The following GSS variants were observed in gnomAD, a reference collection of about 807,000 sequenced individuals.
GSS encodes glutathione synthetase, also known as GSH synthetase.
GSS carries 34 observed loss-of-function variants against 60.4 expected under a neutral mutation model. The observed-to-expected ratio is 0.56, with a 90% CI of 0.43 to 0.75. The LOEUF (loss-of-function observed/expected upper bound fraction) is 0.75, where lower values mean the gene tolerates loss of function less well. Among genes scored for constraint, GSS ranks in the 30% least tolerant of loss-of-function variants. GSS has a pLI of 0.00. For missense variants in GSS, 499 were observed against 595.1 expected (o/e 0.84, Z 1.68); for synonymous variants, 224 against 239.0 (o/e 0.94, Z 0.58).
At chr20:34,934,356 A>C (rs1333782099) in intron 9 of GSS, among the ~76,000 whole-genome samples, 1 of 149,108 alleles carries the variant, frequency 6.7e-6, no homozygotes, top group Non-Finnish European at 1.5e-5. Context: ...AACTTACTGC[A>C]ACCTCTGCCT....
At chr20:34,943,045 G>A (rs2081496820) in intron 3 of GSS, 39 bp from the exon 4 acceptor site, 7 of 1,425,052 alleles carry the variant, frequency 4.9e-6, no homozygotes, top group Non-Finnish European at 6.9e-6. Context: ...AGGCTTAATT[G>A]GACCTAAAAT....
At chr20:34,943,177 G>C (rs1030510365) in intron 3 of GSS, among the ~76,000 whole-genome samples, 171 bp from the exon 4 acceptor site, 1 of 152,210 alleles carries the variant, frequency 6.6e-6, no homozygotes, top group South Asian at 2.1e-4. Context: ...CTAGACCTGG[G>C]TTCAAATCCT....
chr20:34,929,645 T>C (rs962341679), intron 11 of GSS, 55 bp from the exon 12 acceptor site: 4 of 1,505,070 alleles, frequency 2.7e-6, no homozygotes, highest in Admixed American at 1.7e-5. Context: ...CTCCATCCCA[T>C]GCCCTCACTT....
chr20:34,929,291 C>T, intron 12 of GSS, 110 bp downstream of exon 12: 1 of 951,422 alleles, frequency 1.1e-6, no homozygotes, highest in Non-Finnish European at 1.7e-6. Flanking sequence ...GCAGAGCTGG[C>T]ACCGAAGCCC....
chr20:34,931,538 T>A, intron 10 of GSS, 121 bp from the exon 11 acceptor site: 1 of 795,306 alleles, frequency 1.3e-6, no homozygotes. Flanking sequence ...AGCCACAAAT[T>A]CCTTCAGGCA....
At chr20:34,938,677 C>T (rs2081459704) in intron 6 of GSS, among the ~76,000 whole-genome samples, 1 of 152,170 alleles carries the variant, frequency 6.6e-6, no homozygotes, top group South Asian at 2.1e-4. Flanking sequence ...AACTGCACGC[C>T]CCAGCTAATT....
In GSS at chr20:34,928,579, G is replaced by A; in HGVS notation, c.*249C>T. On this transcript the variant is annotated 3_prime_UTR_variant, in exon 13 of 13. Coordinates refer to ENST00000651619, the MANE Select transcript of GSS (RefSeq NM_000178.4). ...ATGAGGGGCTGACAGGAGTGGGGCA[G>A]GGTTCATGGACCTTTACCTCAGAGC... The A allele has an allele frequency of 3.5e-6, 2 of 568,814 alleles. No homozygotes were observed. Among genetic ancestry groups the A allele is most frequent in the Non-Finnish European group, 6.3e-6 (2 of 316,384 alleles). 35.2% of individuals were successfully genotyped at this position (568,814 alleles called of 1,614,324 possible). A position where few individuals can be genotyped will look rare whatever the true frequency, so the allele number is the denominator to read the frequency against.
chr20:34,951,186 G>T lies in GSS; in HGVS notation c.129+538C>A, dbSNP rs2081565749. ...CCTCAGAATGAAGATGACCCTAATA[G>T]AAGGCATTAGAAAGTTCTAAGACAG... On this transcript the variant is annotated intron_variant, in intron 2 of 12. Transcript: ENST00000651619. 2.0e-5 allele frequency among the ~76,000 whole-genome samples: 3 copies of T among 152,132 alleles called. No individual in the cohort carries two copies. The East Asian group carries it at 5.8e-4, about 29-fold the overall frequency.
intron 12 of GSS, 114 bp from the exon 13 acceptor site, chr20:34,929,065 A>T: frequency 1.6e-6 from 2 of 1,272,986 alleles, no homozygotes; most frequent in Non-Finnish European, 2.3e-6. Context: ...AGAAAGTGCT[A>T]GGATTTTAGA....
At chr20:34,951,935 C>T in intron 1 of GSS, 75 bp from the exon 2 acceptor site, 2 of 1,484,100 alleles carry the variant, frequency 1.3e-6, no homozygotes, top group Non-Finnish European at 1.9e-6. Context: ...GGCTGGCGGC[C>T]ACCCCCAACA....
chr20:34,944,311 T>C (rs1436027169), intron 3 of GSS, among the ~76,000 whole-genome samples: 1 of 152,196 alleles, frequency 6.6e-6, no homozygotes, highest in Non-Finnish European at 1.5e-5. Context: ...GTCTCCTTCA[T>C]AATTGCATCA....
At chr20:34,933,714 C>T (rs568387683) in intron 9 of GSS, 2 of 152,304 alleles carry the variant, frequency 1.3e-5, no homozygotes, top group South Asian at 4.1e-4. Flanking sequence ...CAGAATCACA[C>T]GTGACCAGAA....
At chr20:34,947,064 TG>T (rs1259801640) in intron 2 of GSS, among the ~76,000 whole-genome samples, 1 of 152,172 alleles carries the variant, frequency 6.6e-6, no homozygotes, top group African/African-American at 2.4e-5. Context: ...TGTTAGAACT[TG>T]GTATTTAGAT....
At chr20:34,936,179 T>C (rs2081439417) in intron 8 of GSS, among the ~76,000 whole-genome samples, 1 of 152,224 alleles carries the variant, frequency 6.6e-6, no homozygotes, top group Admixed American at 6.5e-5. Context: ...AAAAGTAAAT[T>C]AACTACTTTG....
At chr20:34,943,075 A>C in intron 3 of GSS, 69 bp from the exon 4 acceptor site, 1 of 979,216 alleles carries the variant, frequency 1.0e-6, no homozygotes, top group African/African-American at 1.6e-5. Context: ...TCCCATCCTC[A>C]GTCATTGACT....
chr20:34,955,500 T>A (rs1376692021), intron 1 of GSS: 1 of 152,354 alleles, frequency 6.6e-6, no homozygotes, highest in Non-Finnish European at 1.5e-5. Context: ...CTGGCCTACA[T>A]GCCCCGACAC....
chr20:34,942,444 C>T, intron 5 of GSS, 44 bp downstream of exon 5: 1 of 1,583,038 alleles, frequency 6.3e-7, no homozygotes, highest in Non-Finnish European at 8.7e-7. Flanking sequence ...CACCCATCAG[C>T]ATGTCACCCC....
intron 8 of GSS, 32 bp downstream of exon 8, chr20:34,936,731 C>T: frequency 6.7e-7 from 1 of 1,488,742 alleles, no homozygotes; most frequent in Non-Finnish European, 9.4e-7. Flanking sequence ...TTTCATAAAC[C>T]AGCCTTCCAC....
intron 2 of GSS, among the ~76,000 whole-genome samples, chr20:34,950,430 A>G (rs2081559690): frequency 6.6e-6 from 1 of 152,058 alleles, no homozygotes; most frequent in Non-Finnish European, 1.5e-5. Flanking sequence ...TTAGTCACCA[A>G]TATGGTCTTA....
Sources: gnomAD v4.1 joint callset for allele counts (sites outside exome capture counted in the v4.1 genomes callset) on GRCh38, gnomAD v4.1.1 for gene constraint, MANE v1.5 for transcripts, NCBI Gene and HGNC (gene_info 2026-07-23, HGNC 2026-07-21) for gene names.